The following ZNF668 variants were observed in gnomAD, a reference collection of about 807,000 sequenced individuals.
The protein encoded by ZNF668 is zinc finger protein 668.
A neutral mutation model predicts 40.3 loss-of-function variants in ZNF668; 10 were observed. The observed-to-expected ratio is 0.25, with a 90% CI of 0.15 to 0.42. ZNF668 has a LOEUF of 0.42. Among genes scored for constraint, ZNF668 ranks in the 10% least tolerant of loss-of-function variants. The pLI is 1.00. For synonymous variants in ZNF668, 428 were observed against 384.6 expected, an observed-to-expected ratio of 1.11 and a Z score of -1.32; for missense variants, 749 against 904.6, an observed-to-expected ratio of 0.83 and a Z score of 2.21.
chr16:31,070,311 G>A lies in ZNF668; in HGVS notation c.-23+3348C>T, dbSNP rs184621555. Among the ~76,000 whole-genome samples the A allele has an allele frequency of 4.1e-3, 618 of 151,074 alleles. 2 individuals are homozygous for A. Among genetic ancestry groups the A allele is most frequent in the African/African-American group, 0.014 (591 of 41,040 alleles). ...CAACCTCCGCCTCCCGGGTTCAAGC[G>A]GTTCTCCTGCCTCAGCTTCCCGAGT... is the stretch of plus-strand genomic sequence containing the variant. On this transcript the variant is annotated intron_variant, in intron 1 of 2. Coordinates refer to ENST00000300849, the MANE Select transcript of ZNF668 (RefSeq NM_024706.5).
chr16:31,070,155 T>A lies in ZNF668; in HGVS notation c.-23+3504A>T, dbSNP rs188806470. On this transcript the variant is annotated intron_variant, in intron 1 of 2. Transcript: ENST00000300849. ...GGATGGTCTCGATCTATTGACCTCG[T>A]GATCCGCCCGCCTCGGCCTCCCAGA... is the stretch of plus-strand genomic sequence containing the variant. Among the ~76,000 whole-genome samples the A allele has an allele frequency of 3.8e-3, 578 of 151,434 alleles. 1 individual carries two copies. Among genetic ancestry groups the A allele is most frequent in the Non-Finnish European group, 6.1e-3 (417 of 67,814 alleles).
At chr16:31,063,066 C>CT (rs2143760394) in intron 2 of ZNF668, among the ~76,000 whole-genome samples, 1 of 62,490 alleles carries the variant, frequency 1.6e-5, no homozygotes, top group East Asian at 0.016. Flanking sequence ...TGCACTCTAG[C>CT]CTGGGCAACA....
intron 1 of ZNF668, chr16:31,072,905 C>T (rs1041844703): frequency 6.7e-6 from 1 of 149,668 alleles, no homozygotes; most frequent in Non-Finnish European, 1.5e-5. Context: ...GAACCCCCTT[C>T]CCTAGTGCCC....
chr16:31,060,871 G>T lies in ZNF668; in HGVS notation c.*197C>A. 1 of 537,886 alleles carries T rather than the reference G, an allele frequency of 1.9e-6. No homozygotes were observed. Among genetic ancestry groups the T allele is most frequent in the Admixed American group, 4.0e-5 (1 of 25,052 alleles). 33.3% of individuals were successfully genotyped at this position (537,886 alleles called of 1,614,324 possible). A position where few individuals can be genotyped will look rare whatever the true frequency, so the allele number is the denominator to read the frequency against. Reference sequence around the variant, plus strand: ...CTGGTGCCAAAATGAAAGCTTTAATGAGTGTTACTCCTAGACAGTCACGTC... The same window carrying T: ...CTGGTGCCAAAATGAAAGCTTTAATTAGTGTTACTCCTAGACAGTCACGTC... On this transcript the variant is annotated 3_prime_UTR_variant, in exon 3 of 3. Coordinates refer to ENST00000300849, the MANE Select transcript of ZNF668 (RefSeq NM_024706.5).
At position 31,062,625 on chromosome 16, in the gene ZNF668, G is replaced by T. The variant is rs1432525837; in HGVS notation, c.648-345C>A. On this transcript the variant is annotated intron_variant, in intron 2 of 2. Coordinates refer to ENST00000300849, the MANE Select transcript of ZNF668 (RefSeq NM_024706.5). ...TAAAACTATAAAAAATTAGCCAGGCGTGGTGGTGGGTGCATGTAGTCCCAG... is the reference window on the plus strand; with the variant it reads ...TAAAACTATAAAAAATTAGCCAGGCTTGGTGGTGGGTGCATGTAGTCCCAG... 4 of 206,294 alleles carry T rather than the reference G, an allele frequency of 1.9e-5. No individual in the cohort carries two copies. In the Admixed American group the frequency reaches 2.1e-4, roughly 11 times the overall value. The allele number at this position is 206,294 out of a possible 1,614,324, so 12.8% of individuals were successfully genotyped here. A position where few individuals can be genotyped will look rare whatever the true frequency, so the allele number is the denominator to read the frequency against.
Position 31,061,813 on chromosome 16 carries a change from G to C in ZNF668, c.1115C>G (p.Ala372Gly). 6.2e-7 allele frequency: 1 copy of C among 1,612,292 alleles called. No individual in the cohort carries two copies. Among genetic ancestry groups the C allele is most frequent in the South Asian group, 1.1e-5 (1 of 91,034 alleles). ...RPFRCEECGR[A>G]FAERASLTKH... ...CGTGAGGCTGGCACGCTCGGCGAAG[G>C]CTCGCCCGCACTCCTCACAGCGGAA... The change falls in exon 3 of 3, where the codon GCC becomes GGC. Residue 372 changes from alanine to glycine, a missense_variant. Ala to Gly is a moderately conservative substitution (Grantham distance 60). Coordinates refer to ENST00000300849, the MANE Select transcript of ZNF668 (RefSeq NM_024706.5). This position sits in a 1 kb window ranked among gnomAD's most constrained non-coding sequence, Gnocchi z 7.7.
chr16:31,062,285 G>A lies in ZNF668; in HGVS notation c.648-5C>T, dbSNP rs983987408. 6.9e-6 allele frequency: 11 copies of A among 1,590,746 alleles called. No homozygotes were observed. Among genetic ancestry groups the A allele is most frequent in the African/African-American group, 5.4e-5 (4 of 74,678 alleles). ...GGGCGCTCGCCGGTGTGGGACCTGC[G>A]GGGGTGTGGAGGACTTGGCATGAAG... On this transcript the variant is annotated splice_polypyrimidine_tract_variant and splice_region_variant and intron_variant, in intron 2 of 2. Transcript: ENST00000300849.
intron 1 of ZNF668, among the ~76,000 whole-genome samples, chr16:31,071,583 C>T (rs2057015792): frequency 6.6e-6 from 1 of 152,184 alleles, no homozygotes; most frequent in Non-Finnish European, 1.5e-5. Context: ...GTAGCTAGGA[C>T]TATAGGCACC....
intron 1 of ZNF668, among the ~76,000 whole-genome samples, chr16:31,068,050 G>T (rs881929): frequency 0.32 from 48,108 of 150,492 alleles, 9,902 homozygotes; most frequent in East Asian, 0.89. Flanking sequence ...GCCAGCTCTG[G>T]GTCTCAGCCT....
chr16:31,061,159 T>C lies in ZNF668; in HGVS notation c.1769A>G (p.His590Arg). 6.6e-7 allele frequency: 1 copy of C among 1,518,684 alleles called. No individual in the cohort carries two copies. The highest frequency in any genetic ancestry group is 8.8e-7 in the Non-Finnish European group (1 of 1,134,950). 94.1% of individuals were successfully genotyped at this position (1,518,684 alleles called of 1,614,324 possible). A position where few individuals can be genotyped will look rare whatever the true frequency, so the allele number is the denominator to read the frequency against. The change falls in exon 3 of 3, where the codon CAT (histidine) becomes CGT (arginine). Residue 590 changes from histidine (H) to arginine (R), a missense_variant. His to Arg is a conservative substitution (Grantham distance 29). Transcript: ENST00000300849. The surrounding 1 kb of genome is among the most constrained non-coding windows in gnomAD (Gnocchi z 7.7). ...CATGGGCACAGGGTGGGTGCGTTCATGCTTGCGCAAGTCGCTGGCACTCAA... is the reference window on the plus strand; with the variant it reads ...CATGGGCACAGGGTGGGTGCGTTCACGCTTGCGCAAGTCGCTGGCACTCAA... ...AFLSASDLRK[H>R]ERTHPVPMGT...
intron 1 of ZNF668, chr16:31,064,963 G>A (rs1344850242): frequency 9.3e-6 from 12 of 1,284,832 alleles, no homozygotes; most frequent in Non-Finnish European, 1.2e-5. Context: ...CTGTCTGGAA[G>A]TGACAGGTCC....
chr16:31,064,736 C>T (rs1017047172), intron 1 of ZNF668: 4 of 1,523,684 alleles, frequency 2.6e-6, no homozygotes, highest in Non-Finnish European at 3.5e-6. Flanking sequence ...CGTCCCCCCC[C>T]GCCCCCAACG....
At chr16:31,067,274 C>T (rs1419248844) in intron 1 of ZNF668, among the ~76,000 whole-genome samples, 2 of 152,126 alleles carry the variant, frequency 1.3e-5, no homozygotes, top group East Asian at 3.8e-4. Context: ...ACTGAGCACT[C>T]GCCAAATACC....
chr16:31,064,921 C>A, intron 1 of ZNF668: 1 of 1,383,704 alleles, frequency 7.2e-7, no homozygotes, highest in Non-Finnish European at 9.3e-7. Flanking sequence ...CAGAAAAGGG[C>A]TGAGCCAATG....
chr16:31,066,522 G>A (rs570344342), intron 1 of ZNF668, among the ~76,000 whole-genome samples: 2 of 152,108 alleles, frequency 1.3e-5, no homozygotes, highest in South Asian at 2.1e-4. Flanking sequence ...GTACCACTGC[G>A]CTCCAGCCTG....
At chr16:31,069,170 C>G (rs2056998281) in intron 1 of ZNF668, 1 of 152,072 alleles carries the variant, frequency 6.6e-6, no homozygotes, top group Non-Finnish European at 1.5e-5. Context: ...CAGCATAGCC[C>G]CAAACCATCT....
chr16:31,063,991 T>G lies in ZNF668; in HGVS notation c.469A>C (p.Ile157Leu). 6.2e-7 allele frequency: 1 copy of G among 1,610,590 alleles called. No homozygotes were observed. Among genetic ancestry groups the G allele is most frequent in the South Asian group, 1.1e-5 (1 of 90,924 alleles). ...TCGCCTGTGTGGCCACGCTGGTGGA[T>G]CTTGAGCTTGGAGAGCGCGCCATAG... ...KAYGALSKLK[I>L]HQRGHTGERP... Residue 157 changes from isoleucine (I) to leucine (L), a missense_variant, in exon 2 of 3, where the codon ATC (isoleucine) becomes CTC (leucine). Transcript: ENST00000300849.
chr16:31,063,569 C>G (rs1428252167), intron 2 of ZNF668, among the ~76,000 whole-genome samples: 1 of 152,224 alleles, frequency 6.6e-6, no homozygotes, highest in African/African-American at 2.4e-5. Flanking sequence ...CCCTTTCCAG[C>G]TGGCCTACAA....
rs910906654 is a variant in ZNF668 at position 31,063,137 on chromosome 16, C to T, written c.647+676G>A. Reference sequence around the variant, plus strand: ...AAACAAAACAAAACAAAACAGAAAACCAAGATACGTGTCCTCCGCCTTTTT... The same window carrying T: ...AAACAAAACAAAACAAAACAGAAAATCAAGATACGTGTCCTCCGCCTTTTT... On this transcript the variant is annotated intron_variant, in intron 2 of 2. Transcript: ENST00000300849. Among the ~76,000 whole-genome samples the T allele has an allele frequency of 1.1e-4, 17 of 152,062 alleles. No homozygotes were observed. The Middle Eastern group carries it at 0.01, about 91-fold the overall frequency.
Sources: gnomAD v4.1 joint callset for allele counts (sites outside exome capture counted in the v4.1 genomes callset) on GRCh38, gnomAD v4.1.1 for gene constraint, Gnocchi (gnomAD v3.1) non-coding constraint, MANE v1.5 for transcripts, NCBI Gene and HGNC (gene_info 2026-07-23, HGNC 2026-07-21) for gene names.